Variants in NBEAL1 observed in about 807,000 individuals in gnomAD.
NBEAL1 encodes neurobeachin like 1.
A neutral mutation model predicts 351.3 loss-of-function variants in NBEAL1; 273 were observed. The observed-to-expected ratio is 0.78, with a 90% confidence interval of 0.70 to 0.86. The LOEUF is 0.86. Among genes scored for constraint, NBEAL1 ranks in the 40% least tolerant of loss-of-function variants. The pLI is 0.00. For synonymous variants in NBEAL1, 1,050 were observed against 1,086.4 expected (o/e 0.97, Z 0.66); for missense variants, 2,961 against 3,201.3 (o/e 0.92, Z 1.81).
chr2:203,150,746 A>G (rs1245637099), intron 34 of NBEAL1, among the ~76,000 whole-genome samples: 1 of 151,956 alleles, frequency 6.6e-6, no homozygotes, highest in Non-Finnish European at 1.5e-5. Context: ...TATTGCCTTT[A>G]TTTGTAGTAA....
At chr2:203,124,309 GTGAC>G (rs1420213177) in intron 19 of NBEAL1, among the ~76,000 whole-genome samples, 1 of 152,180 alleles carries the variant, frequency 6.6e-6, no homozygotes, top group Non-Finnish European at 1.5e-5. Flanking sequence ...CTCCAGCTGA[GTGAC>G]AGAGCGAAAC....
At chr2:203,163,235 C>G (rs1233061320) in intron 36 of NBEAL1, among the ~76,000 whole-genome samples, 1 of 152,092 alleles carries the variant, frequency 6.6e-6, no homozygotes, top group Non-Finnish European at 1.5e-5. Context: ...GGTGAAAAAC[C>G]TGGATACCAT....
At chr2:203,117,806 C>T (rs902188682) in intron 18 of NBEAL1, among the ~76,000 whole-genome samples, 42 of 151,444 alleles carry the variant, frequency 2.8e-4, no homozygotes, top group African/African-American at 9.4e-4. Flanking sequence ...CTTCAGTCTC[C>T]GGAGTAGCTA....
chr2:203,118,491 C>G (rs1389456659), intron 18 of NBEAL1, among the ~76,000 whole-genome samples: 1 of 152,092 alleles, frequency 6.6e-6, no homozygotes, highest in Non-Finnish European at 1.5e-5. Context: ...TTGTATCTTA[C>G]ACCTATTTTC....
At chr2:203,182,405 A>C (rs936870777) in intron 43 of NBEAL1, 1 of 152,202 alleles carries the variant, frequency 6.6e-6, no homozygotes, top group Non-Finnish European at 1.5e-5. Flanking sequence ...ACTCTTTCTC[A>C]TAAGTTCTCC....
chr2:203,125,957 C>A lies in NBEAL1; in HGVS notation c.2852-3C>A. The A allele has an allele frequency of 6.6e-7, 1 of 1,507,036 alleles. No homozygotes were observed. The highest frequency in any genetic ancestry group is 2.5e-5 in the Admixed American group (1 of 39,430). 93.4% of individuals were successfully genotyped at this position (1,507,036 alleles called of 1,614,324 possible). On this transcript the variant is annotated splice_polypyrimidine_tract_variant and splice_region_variant and intron_variant, in intron 20 of 55. Coordinates refer to ENST00000683969, the MANE Select transcript of NBEAL1 (RefSeq NM_001378026.1). Reference sequence around the variant, plus strand: ...GATAATTAATATGTTCCTGATTCTACAGAGTCAAGACTAGAGAGAAACCTA... The same window carrying A: ...GATAATTAATATGTTCCTGATTCTAAAGAGTCAAGACTAGAGAGAAACCTA...
At chr2:203,109,116 A>C (rs1038377858) in intron 14 of NBEAL1, among the ~76,000 whole-genome samples, 2 of 152,140 alleles carry the variant, frequency 1.3e-5, no homozygotes, top group Non-Finnish European at 2.9e-5. Flanking sequence ...TAGCACTTTA[A>C]GTGGTTGAGG....
intron 18 of NBEAL1, among the ~76,000 whole-genome samples, chr2:203,116,920 A>T (rs2062713440): frequency 6.6e-6 from 1 of 151,730 alleles, no homozygotes; most frequent in African/African-American, 2.4e-5. Context: ...TGGCCAACAT[A>T]GTGAAACCCG....
intron 2 of NBEAL1, among the ~76,000 whole-genome samples, chr2:203,030,659 T>G (rs2060935901): frequency 6.6e-6 from 1 of 151,984 alleles, no homozygotes; most frequent in South Asian, 2.1e-4. Context: ...AGTGCATGAG[T>G]GAGAACCAAC....
chr2:203,024,737 C>T (rs1333067901), intron 2 of NBEAL1, among the ~76,000 whole-genome samples: 1 of 151,926 alleles, frequency 6.6e-6, no homozygotes, highest in African/African-American at 2.4e-5. Flanking sequence ...TGGTGCAGGC[C>T]TGTGGTCCCA....
chr2:203,166,139 G>A lies in NBEAL1; in HGVS notation c.5715-10G>A. 6.5e-7 allele frequency: 1 copy of A among 1,544,462 alleles called. No homozygotes were observed. The highest frequency in any genetic ancestry group is 8.7e-7 in the Non-Finnish European group (1 of 1,152,454). ...GAATTTTTCTGTTTATTGGCTTCTT[G>A]TTTTTACAGTGATGAGAAAGAAGAA... On this transcript the variant is annotated splice_polypyrimidine_tract_variant and intron_variant, in intron 36 of 55. Transcript: ENST00000683969.
chr2:203,170,763 T>A (rs1488144425), intron 39 of NBEAL1, among the ~76,000 whole-genome samples: 2 of 152,212 alleles, frequency 1.3e-5, no homozygotes, highest in Non-Finnish European at 2.9e-5. Context: ...CTGTTGCCTC[T>A]GCAATAAACT....
intron 2 of NBEAL1, among the ~76,000 whole-genome samples, chr2:203,033,682 T>A (rs1326541714): frequency 6.6e-6 from 1 of 152,170 alleles, no homozygotes; most frequent in African/African-American, 2.4e-5. Flanking sequence ...TTAAAAAACT[T>A]TTCCAATTGT....
chr2:203,218,688 T>C lies in NBEAL1; in HGVS notation c.*1334T>C, dbSNP rs2105865897. 1 of 152,346 alleles carries C rather than the reference T, an allele frequency of 6.6e-6. No homozygotes were observed. Among genetic ancestry groups the C allele is most frequent in the East Asian group, 1.9e-4 (1 of 5,194 alleles). 9.4% of individuals were successfully genotyped at this position (152,346 alleles called of 1,614,324 possible). ...GTTGAATCTTAGAGAAATTTTTCTT[T>C]TGCAATTTCGCTTTCCTGTTGACCA... On this transcript the variant is annotated 3_prime_UTR_variant, in exon 56 of 56. Transcript: ENST00000683969.
At chr2:203,076,279 T>C (rs184581877) in intron 7 of NBEAL1, among the ~76,000 whole-genome samples, 32 of 152,002 alleles carry the variant, frequency 2.1e-4, no homozygotes, top group Non-Finnish European at 4.1e-4. Flanking sequence ...GCCCAGGAGT[T>C]TGAGACCAGC....
rs747637338 is a variant in NBEAL1 at position 203,217,275 on chromosome 2, G to A, written c.8093G>A (p.Arg2698Gln). ...PAEMRSGQLS[R>Q]KFWGSSKRLS... ...CAGATGCGTTCAGGTCAGCTTTCTC[G>A]AAAATTTTGGGGATCGAGCAAGCGG... Residue 2698 changes from arginine (R) to glutamine (Q), a missense_variant, in exon 56 of 56, where the codon CGA becomes CAA. Arg to Gln is a conservative substitution (Grantham distance 43). Coordinates refer to ENST00000683969, the MANE Select transcript of NBEAL1 (RefSeq NM_001378026.1). The A allele has an allele frequency of 9.4e-6, 15 of 1,594,122 alleles. No homozygotes were observed. The highest frequency in any genetic ancestry group is 1.1e-5 in the Non-Finnish European group (13 of 1,170,070).
At chr2:203,192,777 G>A (rs1019130755) in intron 46 of NBEAL1, among the ~76,000 whole-genome samples, 1 of 152,038 alleles carries the variant, frequency 6.6e-6, no homozygotes, top group African/African-American at 2.4e-5. Context: ...ACTTTAGATA[G>A]AATTCTGTTT....
intron 2 of NBEAL1, among the ~76,000 whole-genome samples, chr2:203,033,944 C>T (rs1448744070): frequency 6.6e-6 from 1 of 152,132 alleles, no homozygotes; most frequent in African/African-American, 2.4e-5. Context: ...TTTGGGACTA[C>T]ACATTTACCC....
chr2:203,093,624 C>T (rs1296649465), intron 10 of NBEAL1, among the ~76,000 whole-genome samples: 4 of 152,130 alleles, frequency 2.6e-5, no homozygotes, highest in East Asian at 1.9e-4. Context: ...GAGGCCAAGG[C>T]GGGTTGATCA....
Sources: gnomAD v4.1 joint callset for allele counts (sites outside exome capture counted in the v4.1 genomes callset) on GRCh38, gnomAD v4.1.1 for gene constraint, MANE v1.5 for transcripts, NCBI Gene and HGNC (gene_info 2026-07-23, HGNC 2026-07-21) for gene names.